Variants in GCSAML observed in about 807,000 individuals in gnomAD.
GCSAML encodes germinal center-associated signaling and motility-like protein.
A neutral mutation model predicts 13.0 loss-of-function variants in GCSAML; 9 were observed. The ratio of observed to expected loss-of-function variants is 0.69; its 90% CI spans 0.42 to 1.21. The LOEUF (loss-of-function observed/expected upper bound fraction) is 1.21, where lower values mean the gene tolerates loss of function less well. GCSAML is among the 50% of genes most tolerant of loss of function. The pLI is 0.00. For synonymous variants in GCSAML, 37 were observed against 52.9 expected, an observed-to-expected ratio of 0.70 and a Z score of 1.31; for missense variants, 143 against 153.4, an observed-to-expected ratio of 0.93 and a Z score of 0.36.
chr1:247,570,550 G>C (rs1347350816), intron 4 of GCSAML, among the ~76,000 whole-genome samples: 1 of 152,154 alleles, frequency 6.6e-6, no homozygotes, highest in Non-Finnish European at 1.5e-5. Context: ...GTTCTAATTT[G>C]ATTTGCACTG....
rs753571896 is a variant in GCSAML, at chr1:247,549,176, G to A, written c.-16G>A. ...AGTGAAACTCAGGAGCTGAGAAACC[G>A]AGTCACTGTGAAAAGATGGGAAATT... is the stretch of plus-strand genomic sequence containing the variant. On this transcript the variant is annotated 5_prime_UTR_variant, in exon 1 of 5. Coordinates refer to ENST00000366488, the MANE Select transcript of GCSAML (RefSeq NM_145278.5). The A allele has an allele frequency of 5.0e-6, 8 of 1,614,116 alleles. No individual in the cohort carries two copies. The highest frequency in any genetic ancestry group is 1.3e-5 in the African/African-American group (1 of 75,040).
intron 1 of GCSAML, among the ~76,000 whole-genome samples, chr1:247,520,744 A>AG (rs1384166121): frequency 6.6e-6 from 1 of 152,224 alleles, no homozygotes; most frequent in Non-Finnish European, 1.5e-5. Flanking sequence ...TTCTTCAAGC[A>AG]GGACAGTCTT....
upstream of GCSAML, among the ~76,000 whole-genome samples, chr1:247,546,898 T>C (rs1667601844): frequency 6.7e-6 from 1 of 148,782 alleles, no homozygotes. Context: ...GAGACCAGCC[T>C]GGGCAACGTA....
intron 4 of GCSAML, among the ~76,000 whole-genome samples, chr1:247,568,223 G>T (rs1033240364): frequency 6.6e-6 from 1 of 152,010 alleles, no homozygotes; most frequent in African/African-American, 2.4e-5. Context: ...AATTGCTTTT[G>T]GTGTTTTAGT....
At chr1:247,519,788 A>G (rs1025555133) in intron 1 of GCSAML, among the ~76,000 whole-genome samples, 1 of 152,206 alleles carries the variant, frequency 6.6e-6, no homozygotes, top group African/African-American at 2.4e-5. Flanking sequence ...AGCAACCCAT[A>G]TGTCTGTACT....
chr1:247,532,152 G>A, intron 2 of GCSAML: 3 of 1,614,108 alleles, frequency 1.9e-6, no homozygotes, highest in Non-Finnish European at 2.5e-6. Context: ...AGCGGTCATA[G>A]GACATGGTGG....
intron 2 of GCSAML, among the ~76,000 whole-genome samples, chr1:247,540,914 G>A (rs1193606742): frequency 1.3e-5 from 2 of 152,196 alleles, no homozygotes; most frequent in Non-Finnish European, 2.9e-5. Flanking sequence ...CTTTGAGAAA[G>A]TTGTAATGTC....
chr1:247,524,426 C>G (rs1486526204), intron 1 of GCSAML, among the ~76,000 whole-genome samples: 1 of 152,164 alleles, frequency 6.6e-6, no homozygotes, highest in Non-Finnish European at 1.5e-5. Flanking sequence ...GTGGCAGTCC[C>G]TAGACCTCAT....
At chr1:247,566,156 A>G (rs1428305146) in intron 4 of GCSAML, among the ~76,000 whole-genome samples, 197 bp downstream of exon 4, 1 of 152,224 alleles carries the variant, frequency 6.6e-6, no homozygotes, top group Non-Finnish European at 1.5e-5. Context: ...ATGAAAGGAA[A>G]TAAAAAACCA....
intron 2 of GCSAML, among the ~76,000 whole-genome samples, chr1:247,534,076 C>T (rs1158752658): frequency 6.6e-6 from 1 of 152,162 alleles, no homozygotes; most frequent in African/African-American, 2.4e-5. Context: ...TGAGGCCCTC[C>T]CTGACTGTGT....
At chr1:247,516,252 A>G (rs930510355) in intron 1 of GCSAML, among the ~76,000 whole-genome samples, 2 of 152,248 alleles carry the variant, frequency 1.3e-5, no homozygotes, top group Admixed American at 1.3e-4. Context: ...TAAATGTTAT[A>G]AGACAATTTG....
At chr1:247,510,689 G>C (rs1666004970) in intron 1 of GCSAML, among the ~76,000 whole-genome samples, 1 of 151,978 alleles carries the variant, frequency 6.6e-6, no homozygotes, top group Admixed American at 6.6e-5. Context: ...CAGAGATTCT[G>C]GTACGTTGTC....
In GCSAML at chr1:247,549,189, A is replaced by G. The variant is rs1456375686; in HGVS notation, c.-3A>G. On this transcript the variant is annotated 5_prime_UTR_variant, in exon 1 of 5. Coordinates refer to ENST00000366488, the MANE Select transcript of GCSAML (RefSeq NM_145278.5). ...AGCTGAGAAACCGAGTCACTGTGAA[A>G]AGATGGGAAATTATCTCCTGCGAAA... 1 of 1,614,148 alleles carries G rather than the reference A, an allele frequency of 6.2e-7. No individual in the cohort carries two copies. The highest frequency in any genetic ancestry group is 8.5e-7 in the Non-Finnish European group (1 of 1,180,026).
At chr1:247,566,108 A>T in intron 4 of GCSAML, 149 bp downstream of exon 4, 4 of 577,964 alleles carry the variant, frequency 6.9e-6, no homozygotes, top group Non-Finnish European at 1.2e-5. Flanking sequence ...GAAATCATTC[A>T]TATTTTAAAT....
intron 4 of GCSAML, among the ~76,000 whole-genome samples, chr1:247,568,715 A>C (rs1457146565): frequency 6.6e-6 from 1 of 152,196 alleles, no homozygotes; most frequent in Non-Finnish European, 1.5e-5. Context: ...TATGTGAAGA[A>C]AGACAATGGT....
chr1:247,556,908 G>A lies in GCSAML; in HGVS notation c.89+442G>A, dbSNP rs73150467. On this transcript the variant is annotated intron_variant, in intron 2 of 4. Transcript: ENST00000366488. Reference sequence around the variant, plus strand: ...TCACCAGGGCCTACAGTTCCATAAGGATTGGATTCTGCATCTCTCCCATCT... The same window carrying A: ...TCACCAGGGCCTACAGTTCCATAAGAATTGGATTCTGCATCTCTCCCATCT... Among the ~76,000 whole-genome samples the A allele has an allele frequency of 3.7e-3, 559 of 152,186 alleles. 7 individuals carry two copies. Among genetic ancestry groups the A allele is most frequent in the African/African-American group, 0.013 (536 of 41,510 alleles).
At chr1:247,574,116 G>C in intron 4 of GCSAML, 27 bp from the exon 5 acceptor site, 1 of 1,611,660 alleles carries the variant, frequency 6.2e-7, no homozygotes, top group Non-Finnish European at 8.5e-7. Flanking sequence ...GTGGATCCTT[G>C]ATTTCTTTTC....
chr1:247,531,804 T>A (rs1026535095), intron 2 of GCSAML: 2 of 1,614,008 alleles, frequency 1.2e-6, no homozygotes, highest in Non-Finnish European at 1.7e-6. Context: ...TGAATGCCTT[T>A]CTCCGCCCTT....
At position 247,526,792 on chromosome 1, in the gene GCSAML, A is replaced by G. The variant is rs951501589; in HGVS notation, c.-262-148A>G. 1.4e-5 allele frequency: 5 copies of G among 360,266 alleles called. No individual in the cohort carries two copies. The highest frequency in any genetic ancestry group is 2.7e-5 in the Non-Finnish European group (5 of 184,784). 22.3% of individuals were successfully genotyped at this position (360,266 alleles called of 1,614,324 possible). ...AAGATGGAGCCTAGAAAATTCTGAC[A>G]TATTCGGCTGAAAAGGGACCTGGCA... On this transcript the variant is annotated intron_variant, in intron 1 of 5. Coordinates refer to the GCSAML transcript ENST00000366489. This position sits in a 1 kb window ranked among gnomAD's most constrained non-coding sequence, Gnocchi z 4.8.
Sources: allele counts gnomAD v4.1 joint callset (sites outside exome capture counted in the v4.1 genomes callset), GRCh38; gene constraint gnomAD v4.1.1; non-coding constraint Gnocchi (gnomAD v3.1); transcripts MANE v1.5; gene names NCBI Gene and HGNC (gene_info 2026-07-23, HGNC 2026-07-21).